TFEC: variants seen among roughly 807,000 people sequenced by gnomAD.
The protein encoded by TFEC is class E basic helix-loop-helix protein 34.
TFEC carries 31 observed loss-of-function variants against 41.6 expected under a neutral mutation model. The ratio of observed to expected loss-of-function variants is 0.74; its 90% CI spans 0.56 to 1.01. The LOEUF (loss-of-function observed/expected upper bound fraction) is 1.01. TFEC is among the 50% of genes least tolerant of loss of function. TFEC has a pLI of 0.00. For missense variants in TFEC, 402 were observed against 404.1 expected, an observed-to-expected ratio of 0.99 and a Z score of 0.04; for synonymous variants, 143 against 140.6, an observed-to-expected ratio of 1.02 and a Z score of -0.12.
chr7:116,101,918 A>G (rs1449921232), intron 3 of TFEC, among the ~76,000 whole-genome samples: 2 of 152,208 alleles, frequency 1.3e-5, no homozygotes, highest in African/African-American at 4.8e-5. Flanking sequence ...GCTGATTCAA[A>G]GATGACTCTT....
chr7:116,152,780 G>A (rs1437124220), intron 1 of TFEC, among the ~76,000 whole-genome samples: 3 of 152,126 alleles, frequency 2.0e-5, no homozygotes, highest in Non-Finnish European at 4.4e-5. Flanking sequence ...CTAGAGCAAA[G>A]CTCAAAAATA....
At position 116,067,717 on chromosome 7, in the gene TFEC, A is replaced by T. The variant is rs1439837122; in HGVS notation, c.198+42991T>A. Among the ~76,000 whole-genome samples, 3 of 151,936 alleles carry T rather than the reference A, an allele frequency of 2.0e-5. No individual in the cohort carries two copies. The East Asian group carries it at 5.8e-4, about 29-fold the overall frequency. On this transcript the variant is annotated intron_variant, in intron 3 of 8. Transcript: ENST00000484212. ...GTGGGTGGCTATTACTTCCAAACTC[A>T]ATTTTACTTAATTCATCATTAGCCA...
intron 3 of TFEC, among the ~76,000 whole-genome samples, chr7:116,046,418 G>A (rs1036309064): frequency 3.3e-5 from 5 of 152,126 alleles, no homozygotes; most frequent in African/African-American, 1.2e-4. Flanking sequence ...GTTTATCAGA[G>A]GTTTCCATTT....
chr7:116,005,544 T>G (rs1354060713), intron 1 of TFEC, among the ~76,000 whole-genome samples: 1 of 152,188 alleles, frequency 6.6e-6, no homozygotes, highest in Non-Finnish European at 1.5e-5. Context: ...AAGAAATTTC[T>G]AAGCAGCAAA....
chr7:115,954,725 G>T, intron 4 of TFEC, 83 bp from the exon 5 acceptor site: 1 of 1,025,664 alleles, frequency 9.7e-7, no homozygotes, highest in Non-Finnish European at 1.4e-6. Flanking sequence ...ACTCCTAGGT[G>T]AAAATAAAAT....
At chr7:116,102,939 A>G (rs966688934) in intron 3 of TFEC, among the ~76,000 whole-genome samples, 1 of 152,218 alleles carries the variant, frequency 6.6e-6, no homozygotes, top group Non-Finnish European at 1.5e-5. Context: ...AAAAGTCAAA[A>G]GCAAAGAAAT....
intron 1 of TFEC, among the ~76,000 whole-genome samples, chr7:115,994,328 A>T (rs1794261956): frequency 6.6e-6 from 1 of 152,078 alleles, no homozygotes; most frequent in Admixed American, 6.6e-5. Context: ...ACCAAAAGCA[A>T]TGGCAACAAA....
chr7:116,095,255 A>T (rs1797423738), intron 3 of TFEC, among the ~76,000 whole-genome samples: 2 of 152,176 alleles, frequency 1.3e-5, no homozygotes, highest in Admixed American at 6.5e-5. Context: ...TATTTTTTTC[A>T]TAAAGTTTTT....
Position 116,061,995 on chromosome 7 carries a change from AT to A in TFEC, c.198+48712del, listed in dbSNP as rs778030955. On this transcript the variant is annotated intron_variant, in intron 3 of 8. Transcript: ENST00000484212. ...GAACTCTCATACTCTGCTGGTAGGA[AT>A]TTTTTTTTTTTTAATCCCTCACCTC... Among the ~76,000 whole-genome samples the A allele has an allele frequency of 6.4e-3, 926 of 144,982 alleles. 2 individuals are homozygous for A. The highest frequency in any genetic ancestry group is 0.014 in the Middle Eastern group (4 of 280).
chr7:115,960,009 G>C (rs529092677), intron 3 of TFEC, among the ~76,000 whole-genome samples: 1 of 151,346 alleles, frequency 6.6e-6, no homozygotes, highest in Non-Finnish European at 1.5e-5. Context: ...TTCACCATAA[G>C]TTATCATTAT....
chr7:116,062,198 C>T (rs1796574014), intron 3 of TFEC, among the ~76,000 whole-genome samples: 2 of 132,952 alleles, frequency 1.5e-5, no homozygotes. Context: ...GTAGCTGAGA[C>T]TACAGGCATG....
At chr7:116,064,491 A>C (rs1016971730) in intron 3 of TFEC, among the ~76,000 whole-genome samples, 1 of 151,996 alleles carries the variant, frequency 6.6e-6, no homozygotes, top group Non-Finnish European at 1.5e-5. Context: ...ACAATAATAA[A>C]GAAAAAAGGA....
intron 1 of TFEC, among the ~76,000 whole-genome samples, chr7:116,151,693 C>G (rs543175247): frequency 1.3e-5 from 2 of 151,486 alleles, no homozygotes; most frequent in Non-Finnish European, 2.9e-5. Flanking sequence ...ATGCTTATCT[C>G]TTAATATCAT....
At chr7:116,005,626 G>C (rs1228579535) in intron 1 of TFEC, among the ~76,000 whole-genome samples, 1 of 152,158 alleles carries the variant, frequency 6.6e-6, no homozygotes, top group Non-Finnish European at 1.5e-5. Flanking sequence ...TAAAAGTTTG[G>C]AAAATTTGCA....
At chr7:115,997,790 A>G (rs1794426013) in intron 1 of TFEC, among the ~76,000 whole-genome samples, 1 of 152,190 alleles carries the variant, frequency 6.6e-6, no homozygotes, top group Non-Finnish European at 1.5e-5. Context: ...TCTGGAGGTT[A>G]AAAGTTCAAT....
At chr7:116,078,328 T>TAAA (rs3029628) in intron 3 of TFEC, among the ~76,000 whole-genome samples, 78,484 of 150,656 alleles carry the variant, frequency 0.52, 21,293 homozygotes, top group East Asian at 0.8. Context: ...AGAAAAGAAA[T>TAAA]GAAGATCAGA....
intron 3 of TFEC, among the ~76,000 whole-genome samples, chr7:116,081,346 A>G (rs891128328): frequency 6.6e-6 from 1 of 152,068 alleles, no homozygotes; most frequent in Admixed American, 6.6e-5. Flanking sequence ...TCCCACAAAG[A>G]AATATTATGA....
At chr7:116,090,925 T>C (rs1032866587) in intron 3 of TFEC, among the ~76,000 whole-genome samples, 4 of 146,668 alleles carry the variant, frequency 2.7e-5, no homozygotes, top group South Asian at 2.1e-4. Context: ...AATGAGAACA[T>C]AGGGCACAGG....
intron 3 of TFEC, among the ~76,000 whole-genome samples, chr7:116,097,822 A>G (rs1185138426): frequency 6.6e-6 from 1 of 152,254 alleles, no homozygotes; most frequent in Non-Finnish European, 1.5e-5. Flanking sequence ...AAAACAAAAC[A>G]AAACAAAACT....
Sources: gnomAD v4.1 joint callset for allele counts (sites outside exome capture counted in the v4.1 genomes callset) on GRCh38, gnomAD v4.1.1 for gene constraint, MANE v1.5 for transcripts, NCBI Gene and HGNC (gene_info 2026-07-23, HGNC 2026-07-21) for gene names.